The following LAMA2 variants were observed in gnomAD, a reference collection of about 807,000 sequenced individuals.
The protein encoded by LAMA2 is laminin subunit alpha 2, also known as laminin subunit alpha-2.
A neutral mutation model predicts 364.8 loss-of-function variants in LAMA2; 269 were observed. The ratio of observed to expected loss-of-function variants is 0.74; its 90% CI spans 0.67 to 0.82. The LOEUF is 0.82. LAMA2 is among the 40% of genes least tolerant of loss of function. LAMA2 has a pLI of 0.00. For synonymous variants in LAMA2, 1,379 were observed against 1,370.6 expected (o/e 1.01, Z -0.14); for missense variants, 3,807 against 3,873.2 (o/e 0.98, Z 0.45).
chr6:129,476,611 C>T (rs1057389136), intron 53 of LAMA2, among the ~76,000 whole-genome samples: 9 of 152,066 alleles, frequency 5.9e-5, no homozygotes, highest in African/African-American at 2.2e-4. Flanking sequence ...AAACAATAAA[C>T]TATATAACTT....
intron 1 of LAMA2, among the ~76,000 whole-genome samples, chr6:128,967,410 T>G (rs1205480982): frequency 6.6e-6 from 1 of 152,196 alleles, no homozygotes; most frequent in Non-Finnish European, 1.5e-5. Flanking sequence ...GAGCAAAATA[T>G]TTGTGCCAGG....
intron 40 of LAMA2, among the ~76,000 whole-genome samples, chr6:129,408,233 C>G (rs929095240): frequency 1.3e-5 from 2 of 152,160 alleles, no homozygotes; most frequent in Non-Finnish European, 2.9e-5. Flanking sequence ...ATTTTGGACA[C>G]TGATTCAAGG....
intron 9 of LAMA2, among the ~76,000 whole-genome samples, chr6:129,175,313 C>T (rs1780508136): frequency 6.6e-6 from 1 of 152,132 alleles, no homozygotes; most frequent in Non-Finnish European, 1.5e-5. Flanking sequence ...CCTTAGTTAC[C>T]TCATCTGTGA....
intron 44 of LAMA2, 69 bp from the exon 45 acceptor site, chr6:129,445,598 T>C: frequency 7.6e-7 from 1 of 1,320,086 alleles, no homozygotes; most frequent in Non-Finnish European, 1.1e-6. Context: ...TTAAGCATAC[T>C]GCTATTCTAA....
At chr6:129,397,999 A>G (rs1015433507) in intron 37 of LAMA2, among the ~76,000 whole-genome samples, 5 of 151,846 alleles carry the variant, frequency 3.3e-5, no homozygotes, top group African/African-American at 9.7e-5. Flanking sequence ...CTGATTGAGT[A>G]TGCTAAGAAG....
chr6:129,389,789 G>T (rs1282193992), intron 35 of LAMA2, among the ~76,000 whole-genome samples: 1 of 152,056 alleles, frequency 6.6e-6, no homozygotes, highest in African/African-American at 2.4e-5. Flanking sequence ...GATCTTGTGA[G>T]AATTTATTCA....
intron 29 of LAMA2, among the ~76,000 whole-genome samples, chr6:129,335,198 C>G (rs1052585100): frequency 6.6e-6 from 1 of 152,080 alleles, no homozygotes. Context: ...TTAATAAATC[C>G]TGTACATAGG....
At chr6:129,079,332 G>A (rs1457451985) in intron 3 of LAMA2, among the ~76,000 whole-genome samples, 1 of 152,090 alleles carries the variant, frequency 6.6e-6, no homozygotes, top group Non-Finnish European at 1.5e-5. Flanking sequence ...CATCAAAGAT[G>A]TGTGTGTATA....
chr6:129,505,189 C>T lies in LAMA2; in HGVS notation c.8548-11C>T. On this transcript the variant is annotated splice_polypyrimidine_tract_variant and intron_variant, in intron 60 of 64. Coordinates refer to ENST00000421865, the MANE Select transcript of LAMA2 (RefSeq NM_000426.4). The stretch of plus-strand genomic sequence containing the variant: ...CAGGATTGGCATTAATGACTCCTTT[C>T]TTTTTTGTAGATTAAGATAATGAGA... 3 of 1,612,528 alleles carry T rather than the reference C, an allele frequency of 1.9e-6. No homozygotes were observed. The highest frequency in any genetic ancestry group is 8.5e-7 in the Non-Finnish European group (1 of 1,178,654).
intron 1 of LAMA2, among the ~76,000 whole-genome samples, chr6:128,984,201 T>C (rs1469040437): frequency 6.6e-6 from 1 of 152,156 alleles, no homozygotes; most frequent in Non-Finnish European, 1.5e-5. Flanking sequence ...CACCACATCT[T>C]TTTGTGTTAT....
chr6:129,170,142 T>C (rs987783050), intron 9 of LAMA2, among the ~76,000 whole-genome samples: 5 of 150,620 alleles, frequency 3.3e-5, no homozygotes, highest in African/African-American at 1.2e-4. Flanking sequence ...TTTTGAAGGG[T>C]TTTTTGTGTC....
intron 50 of LAMA2, 43 bp downstream of exon 50, chr6:129,464,495 G>T: frequency 6.7e-7 from 1 of 1,503,072 alleles, no homozygotes; most frequent in Non-Finnish European, 9.3e-7. Flanking sequence ...ACTAAAATGC[G>T]TTTGCTTCTT....
intron 12 of LAMA2, among the ~76,000 whole-genome samples, chr6:129,232,148 G>A (rs1010214168): frequency 6.6e-6 from 1 of 152,036 alleles, no homozygotes; most frequent in Non-Finnish European, 1.5e-5. Context: ...TCATCATACA[G>A]CATATGTACA....
chr6:129,476,814 A>G (rs1360916379), intron 53 of LAMA2, among the ~76,000 whole-genome samples: 1 of 152,148 alleles, frequency 6.6e-6, no homozygotes, highest in Non-Finnish European at 1.5e-5. Context: ...CAGCTGACTG[A>G]CTGAACGAAA....
chr6:129,145,903 T>C (rs1317105507), intron 5 of LAMA2, among the ~76,000 whole-genome samples: 1 of 151,996 alleles, frequency 6.6e-6, no homozygotes, highest in Non-Finnish European at 1.5e-5. Flanking sequence ...ATATCTCTAT[T>C]TGTGTCTATA....
At chr6:128,990,844 A>G (rs1191900637) in intron 1 of LAMA2, among the ~76,000 whole-genome samples, 4 of 152,164 alleles carry the variant, frequency 2.6e-5, no homozygotes, top group South Asian at 2.1e-4. Context: ...CATAAATTAT[A>G]CAGTATTATA....
At position 129,353,439 on chromosome 6, in the gene LAMA2, C is replaced by A. The variant is rs982909996; in HGVS notation, c.4717+82C>A. 2.4e-5 allele frequency: 28 copies of A among 1,155,290 alleles called. No homozygotes were observed. In the East Asian group the frequency reaches 6.2e-4, roughly 25 times the overall value. 71.6% of individuals were successfully genotyped at this position (1,155,290 alleles called of 1,614,324 possible). A position where few individuals can be genotyped will look rare whatever the true frequency, so the allele number is the denominator to read the frequency against. Reference sequence around the variant, plus strand: ...TTTCCAATGAGAAAGAGTGACTCTCCCCGCCCGCCTTTTTTTTTTTTTTTG... The same window carrying A: ...TTTCCAATGAGAAAGAGTGACTCTCACCGCCCGCCTTTTTTTTTTTTTTTG... On this transcript the variant is annotated intron_variant, in intron 32 of 64. Coordinates refer to ENST00000421865, the MANE Select transcript of LAMA2 (RefSeq NM_000426.4).
At chr6:129,204,894 G>A (rs993753486) in intron 12 of LAMA2, among the ~76,000 whole-genome samples, 1 of 152,110 alleles carries the variant, frequency 6.6e-6, no homozygotes, top group African/African-American at 2.4e-5. Flanking sequence ...TTATAGAGAA[G>A]GAAATTTAAA....
intron 12 of LAMA2, among the ~76,000 whole-genome samples, chr6:129,242,954 A>T (rs940878908): frequency 1.3e-5 from 2 of 152,088 alleles, no homozygotes; most frequent in African/African-American, 4.8e-5. Context: ...CTTCTATGTG[A>T]TGTTTTGCAA....
Sources: allele counts gnomAD v4.1 joint callset (sites outside exome capture counted in the v4.1 genomes callset), GRCh38; gene constraint gnomAD v4.1.1; transcripts MANE v1.5; gene names NCBI Gene and HGNC (gene_info 2026-07-23, HGNC 2026-07-21).